Variants in MAPKBP1 observed in about 807,000 individuals in gnomAD.
MAPKBP1 encodes mitogen-activated protein kinase binding protein 1, also known as mitogen-activated protein kinase-binding protein 1.
MAPKBP1 carries 71 observed loss-of-function variants against 170.5 expected under a neutral mutation model. The observed-to-expected ratio is 0.42, with a 90% CI of 0.34 to 0.51. MAPKBP1 has a LOEUF of 0.51. MAPKBP1 is among the 20% of genes least tolerant of loss of function. The probability of loss-of-function intolerance (pLI) is 0.06; values close to 1 mark genes in which losing one functional copy is unlikely to be tolerated. For missense variants in MAPKBP1, 1,598 were observed against 1,933.0 expected (o/e 0.83, Z 3.25); for synonymous variants, 719 against 757.9 (o/e 0.95, Z 0.84).
chr15:41,824,780 C>A (rs1227624216), intron 30 of MAPKBP1, among the ~76,000 whole-genome samples: 2 of 152,218 alleles, frequency 1.3e-5, no homozygotes, highest in African/African-American at 4.8e-5. Context: ...GAGCTGGAGA[C>A]TTCCCTCAGG....
At chr15:41,792,476 T>A (rs2064411672) in intron 2 of MAPKBP1, among the ~76,000 whole-genome samples, 1 of 152,216 alleles carries the variant, frequency 6.6e-6, no homozygotes, top group Non-Finnish European at 1.5e-5. Flanking sequence ...AAGCAAAAGC[T>A]GGGTCACAGT....
intron 2 of MAPKBP1, among the ~76,000 whole-genome samples, chr15:41,796,951 C>G (rs1181955107): frequency 2.6e-5 from 4 of 152,082 alleles, no homozygotes; most frequent in Non-Finnish European, 1.5e-5. Flanking sequence ...ATATTGTACT[C>G]TAGGATTAAC....
intron 2 of MAPKBP1, among the ~76,000 whole-genome samples, chr15:41,786,777 A>AAAAAAAAAAAAAATATATATATATATAT: frequency 3.1e-5 from 1 of 32,468 alleles, no homozygotes; most frequent in African/African-American, 1.3e-4. Context: ...AAAAAAAAAA[A>AAAAAAAAAAAAAATATATATATATATAT]ATATATATAT....
At chr15:41,801,590 A>G (rs545290056) in intron 3 of MAPKBP1, among the ~76,000 whole-genome samples, 23 of 152,106 alleles carry the variant, frequency 1.5e-4, no homozygotes, top group Non-Finnish European at 2.4e-4. Context: ...GCTCACGCCT[A>G]TAATCCCAGT....
intron 2 of MAPKBP1, among the ~76,000 whole-genome samples, chr15:41,784,734 A>T (rs982795236): frequency 2.8e-5 from 4 of 142,816 alleles, no homozygotes; most frequent in African/African-American, 7.8e-5. Context: ...GTGAGCCGAG[A>T]TGGCGCCACT....
In MAPKBP1 at chr15:41,789,199, T is replaced by A. The variant is rs570514580; in HGVS notation, c.115-10624T>A. Among the ~76,000 whole-genome samples, 21 of 152,276 alleles carry A rather than the reference T, an allele frequency of 1.4e-4. 1 individual carries two copies. The South Asian group carries it at 3.7e-3, about 27-fold the overall frequency. On this transcript the variant is annotated intron_variant, in intron 2 of 30. Coordinates refer to ENST00000457542, the MANE Select transcript of MAPKBP1 (RefSeq NM_014994.3). The stretch of plus-strand genomic sequence containing the variant: ...TAAGAAAATCAGGTGTGTAGAGGAA[T>A]TAGATCCTTTTGATGACCAGATTTT...
intron 1 of MAPKBP1, 150 bp from the exon 2 acceptor site, chr15:41,775,017 G>A (rs572233629): frequency 4.4e-6 from 2 of 452,514 alleles, no homozygotes; most frequent in Non-Finnish European, 3.9e-6. Context: ...TTTTTCGTGA[G>A]CCTTTCCTTC....
At position 41,823,100 on chromosome 15, in the gene MAPKBP1, C is replaced by G. The variant is rs2065029160; in HGVS notation, c.3476C>G (p.Ser1159Cys). Residue 1159 changes from serine (S) to cysteine (C), a missense_variant, in exon 28 of 31, where the codon TCT (serine) becomes TGT (cysteine). Around this residue, in one of 6 missense-constraint regions of MAPKBP1, gnomAD observed 942 missense variants for 953.2 expected, o/e 0.99. Coordinates refer to ENST00000457542, the MANE Select transcript of MAPKBP1 (RefSeq NM_014994.3). The stretch of plus-strand genomic sequence containing the variant: ...AACCCCAGCCCCCAGCAGGCAGCCT[C>G]TGTGCTGTTGCCACGATGCCGTCTC... ...SGNPSPQQAA[S>C]VLLPRCRLNP... The G allele has an allele frequency of 6.2e-7, 1 of 1,613,756 alleles. No homozygotes were observed. Among genetic ancestry groups the G allele is most frequent in the Admixed American group, 1.7e-5 (1 of 60,004 alleles).
chr15:41,798,486 T>G (rs2064535234), intron 2 of MAPKBP1, among the ~76,000 whole-genome samples: 1 of 151,958 alleles, frequency 6.6e-6, no homozygotes, highest in African/African-American at 2.4e-5. Context: ...TTTCACTATG[T>G]TGGCCAGGCT....
intron 13 of MAPKBP1, 117 bp from the exon 14 acceptor site, chr15:41,816,793 G>C: frequency 6.7e-7 from 1 of 1,495,942 alleles, no homozygotes; most frequent in Non-Finnish European, 9.1e-7. Flanking sequence ...CTCTGTCCTT[G>C]CTCCATGGTT....
intron 27 of MAPKBP1, 109 bp from the exon 28 acceptor site, chr15:41,822,830 C>T (rs1035109412): frequency 1.4e-5 from 21 of 1,482,564 alleles, no homozygotes; most frequent in Non-Finnish European, 1.7e-5. Context: ...CCCTATCTGG[C>T]TTTGTGCTTG....
In MAPKBP1 at chr15:41,823,883, C is replaced by T. The variant is rs531318603; in HGVS notation, c.4035C>T (p.Thr1345=). 3 of 1,614,176 alleles carry T rather than the reference C, an allele frequency of 1.9e-6. No homozygotes were observed. The highest frequency in any genetic ancestry group is 1.7e-5 in the Admixed American group (1 of 60,026). Residue 1345 remains threonine (T), a synonymous_variant, in exon 29 of 31, where the codon ACC becomes ACT. Coordinates refer to ENST00000457542, the MANE Select transcript of MAPKBP1 (RefSeq NM_014994.3). ...TERWACLGEG[T]TPKPRTECQA... is the part of the protein sequence containing the mutation. ...GATGGGCCTGTTTGGGGGAGGGCAC[C>T]ACTCCCAAGCCTAGGACAGAGTGCC... is the stretch of plus-strand genomic sequence containing the variant.
At chr15:41,816,674 A>G (rs767398842) in intron 13 of MAPKBP1, 24 bp downstream of exon 13, 2 of 1,602,850 alleles carry the variant, frequency 1.2e-6, no homozygotes, top group South Asian at 2.2e-5. Context: ...CCGGAATGGC[A>G]CAGGGCTCCT....
At chr15:41,810,068 G>C (rs551941426) in intron 3 of MAPKBP1, among the ~76,000 whole-genome samples, 2 of 152,310 alleles carry the variant, frequency 1.3e-5, no homozygotes, top group South Asian at 2.1e-4. Context: ...CACATGGTGT[G>C]GGGGGCCAGC....
Position 41,777,453 on chromosome 15 carries a change from G to A in MAPKBP1, c.114+2064G>A, listed in dbSNP as rs578045956. On this transcript the variant is annotated intron_variant, in intron 2 of 30. Transcript: ENST00000457542. ...AAACAGTGGAAAAGGGGCATCCCTG[G>A]CAAGACCATTTACCATTCCCTGTTT... Among the ~76,000 whole-genome samples, 67 of 152,246 alleles carry A rather than the reference G, an allele frequency of 4.4e-4. 2 individuals are homozygous for A. The South Asian group carries it at 0.014, about 31-fold the overall frequency.
chr15:41,807,463 C>T (rs937647145), intron 3 of MAPKBP1, among the ~76,000 whole-genome samples: 10 of 152,192 alleles, frequency 6.6e-5, no homozygotes, highest in African/African-American at 2.4e-4. Context: ...ATATGGTTGG[C>T]TGGATTATGC....
In MAPKBP1 at chr15:41,819,278, C is replaced by A. The variant is rs777806290; in HGVS notation, c.2324C>A (p.Pro775Gln). The change falls in exon 21 of 31, where the codon CCG becomes CAG. Residue 775 changes from proline (P) to glutamine (Q), a missense_variant. Physicochemically the swap from Pro to Gln is moderately conservative, Grantham distance 76. Coordinates refer to ENST00000457542, the MANE Select transcript of MAPKBP1 (RefSeq NM_014994.3). ...GCCCCATCAATGCTGTCTCCTGGACCGGCTCTCTCATCAGACAGTGACAAG... is the reference window on the plus strand; with the variant it reads ...GCCCCATCAATGCTGTCTCCTGGACAGGCTCTCTCATCAGACAGTGACAAG... ...HQAPSMLSPG[P>Q]ALSSDSDKEG... 4 of 1,614,020 alleles carry A rather than the reference C, an allele frequency of 2.5e-6. No homozygotes were observed. The African/African-American group carries it at 5.3e-5, about 22-fold the overall frequency.
At chr15:41,819,554 G>GGTGGC in intron 21 of MAPKBP1, 41 bp from the exon 22 acceptor site, 1 of 1,495,296 alleles carries the variant, frequency 6.7e-7, no homozygotes, top group South Asian at 1.1e-5. Context: ...TGGCGGGGGG[G>GGTGGC]GGGCAGGAGA....
At chr15:41,798,825 G>A (rs1247715958) in intron 2 of MAPKBP1, among the ~76,000 whole-genome samples, 2 of 152,148 alleles carry the variant, frequency 1.3e-5, no homozygotes, top group East Asian at 1.9e-4. Flanking sequence ...TCACATGTCC[G>A]TCCTGCATTC....
Sources: gnomAD v4.1 joint callset for allele counts (sites outside exome capture counted in the v4.1 genomes callset) on GRCh38, gnomAD v4.1.1 for gene constraint, gnomAD v4.1.1 regional missense constraint, MANE v1.5 for transcripts, NCBI Gene and HGNC (gene_info 2026-07-23, HGNC 2026-07-21) for gene names.